Variants in EYS observed in about 807,000 individuals in gnomAD.
EYS encodes protein eyes shut homolog.
Under a neutral mutation model 282.1 loss-of-function variants are expected in EYS, and 250 were observed. That is an observed-to-expected ratio of 0.89 (90% CI 0.80 to 0.98). EYS has a LOEUF of 0.98. Among genes scored for constraint, EYS ranks in the 50% least tolerant of loss-of-function variants. EYS has a pLI of 0.00. For synonymous variants in EYS, 1,355 were observed against 1,282.9 expected (o/e 1.06, Z -1.20); for missense variants, 4,016 against 3,709.0 (o/e 1.08, Z -2.15).
chr6:64,140,617 C>CA (rs1288700715), intron 31 of EYS, among the ~76,000 whole-genome samples: 1 of 152,166 alleles, frequency 6.6e-6, no homozygotes, highest in Admixed American at 6.5e-5. Context: ...CCCCCAGCTT[C>CA]ATTCCTGTAT....
At chr6:63,977,432 C>A (rs921312423) in intron 35 of EYS, among the ~76,000 whole-genome samples, 1 of 151,952 alleles carries the variant, frequency 6.6e-6, no homozygotes, top group Admixed American at 6.6e-5. Context: ...GCTTCCTGAT[C>A]GCAACTTGTT....
intron 31 of EYS, among the ~76,000 whole-genome samples, chr6:64,097,343 C>T (rs1454472699): frequency 1.3e-5 from 2 of 152,144 alleles, no homozygotes; most frequent in East Asian, 1.9e-4. Flanking sequence ...TATGCCCTGC[C>T]CCCAGAGGTA....
chr6:65,592,455 A>G (rs897912588), intron 2 of EYS, among the ~76,000 whole-genome samples: 1 of 151,952 alleles, frequency 6.6e-6, no homozygotes, highest in Non-Finnish European at 1.5e-5. Context: ...CATTTTATTT[A>G]CTTGAAATAA....
At chr6:64,502,464 G>T (rs571845075) in intron 26 of EYS, among the ~76,000 whole-genome samples, 1 of 152,068 alleles carries the variant, frequency 6.6e-6, no homozygotes, top group Non-Finnish European at 1.5e-5. Flanking sequence ...CTCGTGATCC[G>T]CCCGCCTCGG....
intron 35 of EYS, among the ~76,000 whole-genome samples, chr6:63,921,086 C>CAGGGTTTCA (rs1241542362): frequency 6.6e-6 from 1 of 152,146 alleles, no homozygotes; most frequent in East Asian, 1.9e-4. Flanking sequence ...TTAGTAGAGA[C>CAGGGTTTCA]AGGGTTTCAC....
chr6:64,414,643 T>TG (rs1667676014), intron 28 of EYS, among the ~76,000 whole-genome samples: 1 of 152,170 alleles, frequency 6.6e-6, no homozygotes, highest in Admixed American at 6.6e-5. Flanking sequence ...CATTATTTAC[T>TG]GGGCAGAGGG....
At chr6:63,907,101 C>T (rs532167880) in intron 35 of EYS, among the ~76,000 whole-genome samples, 1 of 152,298 alleles carries the variant, frequency 6.6e-6, no homozygotes, top group South Asian at 2.1e-4. Flanking sequence ...TGTGCTTCTC[C>T]TGCTGTGGCA....
At position 65,064,166 on chromosome 6, in the gene EYS, A is replaced by C. The variant is rs185211130; in HGVS notation, c.2024-6439T>G. On this transcript the variant is annotated intron_variant, in intron 12 of 42. Coordinates refer to ENST00000503581, the MANE Select transcript of EYS (RefSeq NM_001142800.2). ...GTATATAGTATATATAACATATATAATATATATAATATATAGTATATATAG... is the reference window on the plus strand; with the variant it reads ...GTATATAGTATATATAACATATATACTATATATAATATATAGTATATATAG... Among the ~76,000 whole-genome samples, 496 of 143,694 alleles carry C rather than the reference A, an allele frequency of 3.5e-3. 8 individuals are homozygous for C. Among genetic ancestry groups the C allele is most frequent in the African/African-American group, 0.012 (462 of 39,496 alleles). The allele number at this position is 143,694 out of a possible 152,430, so 94.3% of individuals were successfully genotyped here.
At position 64,572,580 on chromosome 6, in the gene EYS, C is replaced by T. The variant is rs190947913; in HGVS notation, c.5644+17643G>A. 6.0e-3 allele frequency among the ~76,000 whole-genome samples: 909 copies of T among 152,296 alleles called. 3 individuals are homozygous for T. Among genetic ancestry groups the T allele is most frequent in the Non-Finnish European group, 9.6e-3 (651 of 68,022 alleles). On this transcript the variant is annotated intron_variant, in intron 26 of 42. Coordinates refer to ENST00000503581, the MANE Select transcript of EYS (RefSeq NM_001142800.2). ...CTGATTAGCAAATTTGGCAAATACTCAGGATACAAAATCAATGTGCAAAAA... is the reference window on the plus strand; with the variant it reads ...CTGATTAGCAAATTTGGCAAATACTTAGGATACAAAATCAATGTGCAAAAA...
intron 14 of EYS, among the ~76,000 whole-genome samples, chr6:64,946,482 G>C (rs1421163202): frequency 6.6e-6 from 1 of 151,886 alleles, no homozygotes; most frequent in Non-Finnish European, 1.5e-5. Context: ...TGCTTTCCTA[G>C]TATTGGGCAA....
intron 12 of EYS, among the ~76,000 whole-genome samples, chr6:65,181,214 A>C (rs932472842): frequency 1.3e-5 from 2 of 152,180 alleles, no homozygotes; most frequent in African/African-American, 2.4e-5. Context: ...AATGGGATCT[A>C]ATTAAACTAA....
At chr6:64,940,113 T>C (rs892968368) in intron 15 of EYS, among the ~76,000 whole-genome samples, 1 of 151,992 alleles carries the variant, frequency 6.6e-6, no homozygotes, top group Non-Finnish European at 1.5e-5. Flanking sequence ...TGACAACTTA[T>C]CCAGAGCAAA....
intron 22 of EYS, among the ~76,000 whole-genome samples, chr6:64,709,132 A>G (rs1452183028): frequency 1.3e-5 from 2 of 152,164 alleles, no homozygotes; most frequent in African/African-American, 4.8e-5. Flanking sequence ...TGATGACCAA[A>G]TGGGTACAGT....
At chr6:65,486,950 T>C (rs533949392) in intron 5 of EYS, among the ~76,000 whole-genome samples, 39 of 152,236 alleles carry the variant, frequency 2.6e-4, no homozygotes, top group African/African-American at 9.4e-4. Context: ...TGAATGGGAG[T>C]TCACTCATGA....
intron 26 of EYS, among the ~76,000 whole-genome samples, chr6:64,556,933 G>A (rs1407988805): frequency 6.6e-6 from 1 of 151,642 alleles, no homozygotes; most frequent in African/African-American, 2.4e-5. Flanking sequence ...AACAAAGAGA[G>A]GTAATATTGA....
chr6:63,742,099 G>A, intron 41 of EYS: 1 of 640,852 alleles, frequency 1.6e-6, no homozygotes, highest in South Asian at 1.7e-5. Flanking sequence ...CTCTTCACTT[G>A]TACATCTGTC....
intron 22 of EYS, among the ~76,000 whole-genome samples, chr6:64,743,552 A>C (rs969360218): frequency 6.6e-6 from 1 of 152,176 alleles, no homozygotes; most frequent in Non-Finnish European, 1.5e-5. Context: ...CATGAAAAGC[A>C]GTTCTGATTG....
intron 2 of EYS, among the ~76,000 whole-genome samples, chr6:65,610,847 G>A (rs1042881015): frequency 1.3e-5 from 2 of 151,982 alleles, no homozygotes; most frequent in African/African-American, 2.4e-5. Flanking sequence ...CTGTGTAACT[G>A]ATTCTTTTTC....
At chr6:64,313,275 G>A (rs1296590376) in intron 29 of EYS, among the ~76,000 whole-genome samples, 2 of 152,046 alleles carry the variant, frequency 1.3e-5, no homozygotes, top group Non-Finnish European at 2.9e-5. Context: ...GCAGAAGAAA[G>A]GATATCAGAG....
Sources: allele counts gnomAD v4.1 joint callset (sites outside exome capture counted in the v4.1 genomes callset), GRCh38; gene constraint gnomAD v4.1.1; transcripts MANE v1.5; gene names NCBI Gene and HGNC (gene_info 2026-07-23, HGNC 2026-07-21).